The following FRS2 variants were observed in gnomAD, a reference collection of about 807,000 sequenced individuals.
FRS2 encodes the protein FGFR signalling adaptor.
Under a neutral mutation model 43.9 loss-of-function variants are expected in FRS2, and 8 were observed. That is an observed-to-expected ratio of 0.18 (90% CI 0.11 to 0.33). The LOEUF (loss-of-function observed/expected upper bound fraction) is 0.33, where lower values mean the gene tolerates loss of function less well. Ranked by LOEUF, FRS2 falls within the 10% of genes least tolerant of loss-of-function variation. The probability of loss-of-function intolerance (pLI) is 1.00; values close to 1 mark genes in which losing one functional copy is unlikely to be tolerated. For synonymous variants in FRS2, 219 were observed against 220.3 expected, an observed-to-expected ratio of 0.99 and a Z score of 0.05; for missense variants, 534 against 627.6, an observed-to-expected ratio of 0.85 and a Z score of 1.59.
Position 69,574,894 on chromosome 12 carries a change from T to C in FRS2, c.1466T>C (p.Leu489Pro), listed in dbSNP as rs1452583357. The part of the protein sequence containing the change: ...TAAMSNLQKA[L>P]PRDDGTSRKT... ...GCTATGTCAAATTTGCAGAAAGCAC[T>C]GCCACGAGATGATGGTACATCTAGG... The change falls in exon 9 of 9, where the codon CTG (leucine) becomes CCG (proline). Residue 489 changes from leucine (L) to proline (P), a missense_variant. By Grantham distance (98) the Leu-to-Pro change is moderately conservative. This residue lies in a region of FRS2 where 446 missense variants were observed against 494.2 expected (regional missense o/e 0.90). Transcript: ENST00000549921. 6.2e-7 allele frequency: 1 copy of C among 1,613,702 alleles called. No individual in the cohort carries two copies. The highest frequency in any genetic ancestry group is 8.5e-7 in the Non-Finnish European group (1 of 1,179,844).
chr12:69,564,891 A>G (rs1177409279), intron 4 of FRS2, among the ~76,000 whole-genome samples: 1 of 152,196 alleles, frequency 6.6e-6, no homozygotes, highest in Non-Finnish European at 1.5e-5. Flanking sequence ...TTCATATCAC[A>G]TATTAGGCAT....
At chr12:69,559,213 T>A (rs1879678546) in intron 3 of FRS2, among the ~76,000 whole-genome samples, 1 of 152,228 alleles carries the variant, frequency 6.6e-6, no homozygotes, top group South Asian at 2.1e-4. Context: ...TAAATATACA[T>A]AAGCATATGC....
chr12:69,559,031 CTG>C (rs1346513668), intron 3 of FRS2, among the ~76,000 whole-genome samples: 2 of 152,168 alleles, frequency 1.3e-5, no homozygotes, highest in Non-Finnish European at 2.9e-5. Context: ...CCACTTTAGG[CTG>C]GGCAAAGTGG....
intron 3 of FRS2, among the ~76,000 whole-genome samples, chr12:69,534,913 AT>A (rs777764780): frequency 2.0e-5 from 3 of 152,020 alleles, no homozygotes; most frequent in African/African-American, 4.8e-5. Flanking sequence ...ACATATTTTT[AT>A]TGTTTTTTAA....
intron 5 of FRS2, 82 bp downstream of exon 5, chr12:69,569,178 G>A: frequency 1.3e-6 from 1 of 770,830 alleles, no homozygotes; most frequent in Non-Finnish European, 2.2e-6. Flanking sequence ...TCTTATTTCT[G>A]GCTTTTATCA....
intron 3 of FRS2, among the ~76,000 whole-genome samples, chr12:69,551,431 G>A: frequency 6.6e-6 from 1 of 152,224 alleles, no homozygotes; most frequent in East Asian, 1.9e-4. Flanking sequence ...GAGCTCAAGT[G>A]TAGTTATGAA....
At chr12:69,511,344 T>C (rs1346760671) in intron 1 of FRS2, among the ~76,000 whole-genome samples, 1 of 152,200 alleles carries the variant, frequency 6.6e-6, no homozygotes, top group African/African-American at 2.4e-5. Flanking sequence ...GACCATCATC[T>C]CTTCATCATT....
intron 1 of FRS2, among the ~76,000 whole-genome samples, chr12:69,494,036 GGCT>G (rs1872680623): frequency 6.6e-6 from 1 of 152,054 alleles, no homozygotes; most frequent in African/African-American, 2.4e-5. Context: ...TTTCTTGTTA[GGCT>G]TCTTTTCAGA....
chr12:69,510,462 G>A (rs917293737), intron 1 of FRS2, among the ~76,000 whole-genome samples: 1 of 152,020 alleles, frequency 6.6e-6, no homozygotes, highest in Non-Finnish European at 1.5e-5. Flanking sequence ...TACAGTTCTT[G>A]GCCCATGATA....
intron 1 of FRS2, among the ~76,000 whole-genome samples, chr12:69,510,882 A>C (rs1435467778): frequency 3.9e-5 from 6 of 152,186 alleles, no homozygotes; most frequent in Non-Finnish European, 8.8e-5. Context: ...TCAATGTAAA[A>C]TGAAAAATCT....
In FRS2 at chr12:69,481,070, A is replaced by G. The variant is rs182868000; in HGVS notation, c.-261+10540A>G. Among the ~76,000 whole-genome samples the G allele has an allele frequency of 1.3e-3, 199 of 152,316 alleles. 1 individual carries two copies. The highest frequency in any genetic ancestry group is 2.6e-3 in the Non-Finnish European group (176 of 68,022). ...ATTTCAAACTTACAGGAAAGTTGCAAGAATAGTGCAGTAGACCTCTGTATA... is the reference window on the plus strand; with the variant it reads ...ATTTCAAACTTACAGGAAAGTTGCAGGAATAGTGCAGTAGACCTCTGTATA... On this transcript the variant is annotated intron_variant, in intron 1 of 8. Transcript: ENST00000549921.
chr12:69,552,568 A>G (rs768764931), intron 3 of FRS2, among the ~76,000 whole-genome samples: 1 of 152,096 alleles, frequency 6.6e-6, no homozygotes, highest in Non-Finnish European at 1.5e-5. Context: ...TTTGCCTCTG[A>G]GTGTAGTGTC....
chr12:69,546,059 G>A (rs1475954516), intron 3 of FRS2, among the ~76,000 whole-genome samples: 1 of 151,862 alleles, frequency 6.6e-6, no homozygotes, highest in Non-Finnish European at 1.5e-5. Flanking sequence ...AACACCAAAG[G>A]CACAGACAAT....
At chr12:69,564,632 C>G (rs1815135293) in intron 4 of FRS2, among the ~76,000 whole-genome samples, 1 of 152,032 alleles carries the variant, frequency 6.6e-6, no homozygotes, top group South Asian at 2.1e-4. Flanking sequence ...TTAAATGTTC[C>G]TTAAATTTAT....
At chr12:69,545,546 A>G (rs753210621) in intron 3 of FRS2, among the ~76,000 whole-genome samples, 5 of 152,136 alleles carry the variant, frequency 3.3e-5, no homozygotes, top group Non-Finnish European at 5.9e-5. Context: ...TCATGAGGTC[A>G]GGAGTTCAAG....
At chr12:69,529,937 G>A (rs770094050) in intron 1 of FRS2, among the ~76,000 whole-genome samples, 3 of 151,438 alleles carry the variant, frequency 2.0e-5, no homozygotes, top group Non-Finnish European at 4.4e-5. Context: ...GAGCACGCCT[G>A]TAGTCCCAAC....
chr12:69,571,941 C>A (rs992477024), intron 7 of FRS2, among the ~76,000 whole-genome samples, 177 bp from the exon 8 acceptor site: 2 of 152,072 alleles, frequency 1.3e-5, no homozygotes, highest in African/African-American at 4.8e-5. Flanking sequence ...AAAATGAAAA[C>A]ATTCAGTATT....
chr12:69,559,921 G>A (rs1879742944), intron 3 of FRS2, among the ~76,000 whole-genome samples: 1 of 151,938 alleles, frequency 6.6e-6, no homozygotes, highest in East Asian at 1.9e-4. Context: ...TCTAACTATA[G>A]ACATTCTTTC....
At chr12:69,518,550 A>G (rs1875291189) in intron 1 of FRS2, among the ~76,000 whole-genome samples, 2 of 151,970 alleles carry the variant, frequency 1.3e-5, no homozygotes, top group South Asian at 2.1e-4. Flanking sequence ...CTGTGAAAAC[A>G]TAGAAAAAAT....
Sources: allele counts gnomAD v4.1 joint callset (sites outside exome capture counted in the v4.1 genomes callset), GRCh38; gene constraint gnomAD v4.1.1; regional missense constraint gnomAD v4.1.1; transcripts MANE v1.5; gene names NCBI Gene and HGNC (gene_info 2026-07-23, HGNC 2026-07-21).